MYO5B: variants seen among roughly 807,000 people sequenced by gnomAD.
The protein encoded by MYO5B is unconventional myosin-Vb.
A neutral mutation model predicts 229.3 loss-of-function variants in MYO5B; 143 were observed. The observed-to-expected ratio is 0.62, with a 90% CI of 0.54 to 0.72. The LOEUF (loss-of-function observed/expected upper bound fraction) is 0.72. Among genes scored for constraint, MYO5B ranks in the 30% least tolerant of loss-of-function variants. The probability of loss-of-function intolerance (pLI) is 0.00; values close to 1 mark genes in which losing one functional copy is unlikely to be tolerated. For missense variants in MYO5B, 2,321 were observed against 2,331.0 expected (o/e 1.00, Z 0.09); for synonymous variants, 918 against 885.2 (o/e 1.04, Z -0.66).
chr18:50,185,045 C>T (rs1036766862), intron 1 of MYO5B, among the ~76,000 whole-genome samples: 1 of 151,954 alleles, frequency 6.6e-6, no homozygotes, highest in Non-Finnish European at 1.5e-5. Context: ...ACCACACACA[C>T]TCCAGCCTGG....
intron 16 of MYO5B, among the ~76,000 whole-genome samples, chr18:49,932,315 G>C (rs1284627862): frequency 3.3e-5 from 5 of 152,134 alleles, no homozygotes; most frequent in African/African-American, 7.2e-5. Context: ...GGCAGGGTTG[G>C]GGACATCGGT....
intron 1 of MYO5B, among the ~76,000 whole-genome samples, chr18:50,089,446 T>C (rs2031399545): frequency 6.6e-6 from 1 of 151,958 alleles, no homozygotes; most frequent in African/African-American, 2.4e-5. Flanking sequence ...AAACCAAAGA[T>C]TCCCTCTGAA....
At chr18:50,157,519 C>T (rs2032699655) in intron 1 of MYO5B, among the ~76,000 whole-genome samples, 1 of 152,204 alleles carries the variant, frequency 6.6e-6, no homozygotes, top group Admixed American at 6.5e-5. Context: ...TCCAACCTGT[C>T]AAGCCCTTTC....
At chr18:50,192,536 G>C (rs1169675366) in intron 1 of MYO5B, among the ~76,000 whole-genome samples, 1 of 152,204 alleles carries the variant, frequency 6.6e-6, no homozygotes, top group Non-Finnish European at 1.5e-5. Context: ...CTTATTATGA[G>C]TGTCTTTAGG....
At chr18:49,953,212 C>A (rs780212766) in intron 14 of MYO5B, 48 bp downstream of exon 14, 75 of 1,560,560 alleles carry the variant, frequency 4.8e-5, no homozygotes, top group Non-Finnish European at 6.5e-5. Context: ...CTGTCCAGCA[C>A]TGGCCGTGGG....
At chr18:49,879,705 T>G (rs1277957319) in intron 23 of MYO5B, among the ~76,000 whole-genome samples, 2 of 152,156 alleles carry the variant, frequency 1.3e-5, no homozygotes, top group African/African-American at 4.8e-5. Flanking sequence ...GGGGATTTGC[T>G]CAAAATCACA....
intron 1 of MYO5B, among the ~76,000 whole-genome samples, chr18:50,086,078 TA>T (rs960365267): frequency 1.4e-4 from 22 of 151,824 alleles, no homozygotes; most frequent in Non-Finnish European, 1.3e-4. Flanking sequence ...TAATAAAATT[TA>T]AAAAAAAGAT....
At position 49,843,160 on chromosome 18, in the gene MYO5B, C is replaced by A. The variant is rs964104484; in HGVS notation, c.4611+81G>T. 10 of 1,580,902 alleles carry A rather than the reference C, an allele frequency of 6.3e-6. No homozygotes were observed. The African/African-American group carries it at 1.3e-4, about 21-fold the overall frequency. The stretch of plus-strand genomic sequence containing the variant: ...CCTAGGAGCATTCACTACAGCCAAA[C>A]CCAGACACAGAGAAGCAACAGTAAG... On this transcript the variant is annotated intron_variant, in intron 34 of 39. Transcript: ENST00000285039.
chr18:50,190,655 G>T (rs2033214239), intron 1 of MYO5B, among the ~76,000 whole-genome samples: 1 of 152,092 alleles, frequency 6.6e-6, no homozygotes, highest in South Asian at 2.1e-4. Context: ...CATATAAACT[G>T]CCACTTGAAG....
intron 1 of MYO5B, among the ~76,000 whole-genome samples, chr18:50,143,595 G>A (rs1015930688): frequency 1.3e-5 from 2 of 152,158 alleles, no homozygotes; most frequent in East Asian, 3.9e-4. Flanking sequence ...TATGAAGGCT[G>A]GGAATAAGGA....
At chr18:49,864,843 G>A (rs2024378240) in intron 27 of MYO5B, among the ~76,000 whole-genome samples, 1 of 152,172 alleles carries the variant, frequency 6.6e-6, no homozygotes, top group Non-Finnish European at 1.5e-5. Context: ...TTTTCAGGAA[G>A]CATCATTTTT....
chr18:49,917,940 G>A (rs778958385), intron 17 of MYO5B, among the ~76,000 whole-genome samples: 5 of 152,198 alleles, frequency 3.3e-5, no homozygotes, highest in Non-Finnish European at 7.4e-5. Context: ...CTGCTTCCTG[G>A]TAGGAAGAGG....
In MYO5B at chr18:50,084,585, G is replaced by A. The variant is rs73446693; in HGVS notation, c.28-29207C>T. On this transcript the variant is annotated intron_variant, in intron 1 of 39. Transcript: ENST00000285039. ...TAGTGACAACAATTTGTTTCTAGTT[G>A]GGAAGAGCCCGCATCGCCATGTCAA... is the stretch of plus-strand genomic sequence containing the variant. Among the ~76,000 whole-genome samples the A allele has an allele frequency of 3.4e-3, 518 of 152,026 alleles. 2 individuals are homozygous for A. The highest frequency in any genetic ancestry group is 0.012 in the African/African-American group (509 of 41,524).
intron 1 of MYO5B, among the ~76,000 whole-genome samples, chr18:50,111,075 G>T (rs949705004): frequency 3.9e-5 from 6 of 152,142 alleles, no homozygotes; most frequent in African/African-American, 1.4e-4. Flanking sequence ...TTCTTTGGTG[G>T]AGACTATATT....
chr18:50,125,540 A>G (rs2032147905), intron 1 of MYO5B, among the ~76,000 whole-genome samples: 1 of 152,308 alleles, frequency 6.6e-6, no homozygotes, highest in Non-Finnish European at 1.5e-5. Context: ...AATAAAAAGA[A>G]AGAAAAGTCT....
chr18:49,958,627 C>T (rs2025522693), intron 12 of MYO5B, among the ~76,000 whole-genome samples: 1 of 152,214 alleles, frequency 6.6e-6, no homozygotes, highest in Non-Finnish European at 1.5e-5. Context: ...CACCCAAGCC[C>T]ATGCTCCTCT....
At chr18:50,044,564 C>T (rs770962032) in intron 2 of MYO5B, among the ~76,000 whole-genome samples, 1 of 152,056 alleles carries the variant, frequency 6.6e-6, no homozygotes, top group Non-Finnish European at 1.5e-5. Flanking sequence ...TTGGTCCCTG[C>T]CTGACAAGCA....
chr18:49,975,829 T>A (rs1412697099), intron 9 of MYO5B, among the ~76,000 whole-genome samples: 1 of 152,078 alleles, frequency 6.6e-6, no homozygotes, highest in East Asian at 1.9e-4. Flanking sequence ...GCCCGATGTA[T>A]CTCCTGCCTA....
intron 4 of MYO5B, among the ~76,000 whole-genome samples, chr18:50,020,432 T>A (rs1434624559): frequency 6.6e-6 from 1 of 152,196 alleles, no homozygotes; most frequent in Non-Finnish European, 1.5e-5. Context: ...TCTGCCTTCT[T>A]ATGGATCAAA....
Sources: gnomAD v4.1 joint callset for allele counts (sites outside exome capture counted in the v4.1 genomes callset) on GRCh38, gnomAD v4.1.1 for gene constraint, MANE v1.5 for transcripts, NCBI Gene and HGNC (gene_info 2026-07-23, HGNC 2026-07-21) for gene names.